The following RPIA variants were observed in gnomAD, a reference collection of about 807,000 sequenced individuals.
RPIA encodes ribose 5-phosphate isomerase A.
A neutral mutation model predicts 37.8 loss-of-function variants in RPIA; 29 were observed. The ratio of observed to expected loss-of-function variants is 0.77; its 90% CI spans 0.57 to 1.05. The LOEUF (loss-of-function observed/expected upper bound fraction) is 1.05, where lower values mean the gene tolerates loss of function less well. RPIA is among the 50% of genes least tolerant of loss of function. The pLI is 0.00. For synonymous variants in RPIA, 167 were observed against 157.0 expected (o/e 1.06, Z -0.48); for missense variants, 385 against 413.6 (o/e 0.93, Z 0.60).
intron 3 of RPIA, among the ~76,000 whole-genome samples, chr2:88,705,238 A>G (rs748035157): frequency 2.6e-5 from 4 of 152,206 alleles, no homozygotes; most frequent in Non-Finnish European, 5.9e-5. Flanking sequence ...TATGGAACCA[A>G]AAAAGAGCCT....
rs150164740 is a variant in RPIA at position 88,746,213 on chromosome 2, A to G, written c.839-3768A>G. ...AAGTTGGTTTTCACCTTTCTCTGGT[A>G]CCTCCTTGAGTAGCTTAATAATCAA... On this transcript the variant is annotated intron_variant, in intron 8 of 8. Coordinates refer to ENST00000283646, the MANE Select transcript of RPIA (RefSeq NM_144563.3). Among the ~76,000 whole-genome samples, 405 of 151,562 alleles carry G rather than the reference A, an allele frequency of 2.7e-3. 2 individuals are homozygous for G. Among genetic ancestry groups the G allele is most frequent in the African/African-American group, 9.3e-3 (383 of 41,310 alleles).
rs1483372090 is a variant in RPIA, at chr2:88,750,683, AC to A, written c.*606del. 1 of 399,298 alleles carries A rather than the reference AC, an allele frequency of 2.5e-6. No individual in the cohort carries two copies. Among genetic ancestry groups the A allele is most frequent in the Non-Finnish European group, 4.4e-6 (1 of 226,506 alleles). The allele number at this position is 399,298 out of a possible 1,614,324, so 24.7% of individuals were successfully genotyped here. On this transcript the variant is annotated 3_prime_UTR_variant, in exon 9 of 9. Coordinates refer to ENST00000283646, the MANE Select transcript of RPIA (RefSeq NM_144563.3). ...AAGCTGTCAGGGAGAAAATGTTGTT[AC>A]ACTTTTGCTAAGATCTGGGGGTTTC...
intron 8 of RPIA, among the ~76,000 whole-genome samples, chr2:88,739,966 C>T (rs1673362885): frequency 6.6e-6 from 1 of 152,106 alleles, no homozygotes; most frequent in African/African-American, 2.4e-5. Flanking sequence ...TCTTTTACCA[C>T]GTTAAGTCAA....
At chr2:88,747,156 C>G (rs556333138) in intron 8 of RPIA, among the ~76,000 whole-genome samples, 2 of 152,210 alleles carry the variant, frequency 1.3e-5, no homozygotes, top group Admixed American at 1.3e-4. Flanking sequence ...GAGTGGTTCT[C>G]AGGTCAATGG....
intron 3 of RPIA, among the ~76,000 whole-genome samples, chr2:88,724,349 C>T (rs1356105064): frequency 6.6e-6 from 1 of 152,072 alleles, no homozygotes; most frequent in Non-Finnish European, 1.5e-5. Context: ...CTCTGTCACC[C>T]AGGCTGGAGT....
At chr2:88,722,644 A>C (rs1673148167) in intron 3 of RPIA, among the ~76,000 whole-genome samples, 1 of 152,220 alleles carries the variant, frequency 6.6e-6, no homozygotes, top group East Asian at 1.9e-4. Context: ...CTCATTTGCC[A>C]TTATACATGC....
intron 3 of RPIA, among the ~76,000 whole-genome samples, chr2:88,722,926 G>C (rs1185391785): frequency 6.6e-6 from 1 of 152,244 alleles, no homozygotes; most frequent in South Asian, 2.1e-4. Context: ...GGGTGGAAGA[G>C]AAGTAAATGA....
intron 3 of RPIA, among the ~76,000 whole-genome samples, chr2:88,714,382 G>T (rs1673007235): frequency 6.6e-6 from 1 of 152,110 alleles, no homozygotes; most frequent in Admixed American, 6.5e-5. Context: ...ATGTTGGCCA[G>T]GCTGGTCTCG....
At chr2:88,699,535 T>C (rs1319518622) in intron 2 of RPIA, among the ~76,000 whole-genome samples, 4 of 152,162 alleles carry the variant, frequency 2.6e-5, no homozygotes, top group African/African-American at 9.7e-5. Flanking sequence ...GTTCTGGCTT[T>C]TTCCTAGAAG....
rs1558703393 is a variant in RPIA, at chr2:88,750,590, T to G, written c.*512T>G. The G allele has an allele frequency of 9.8e-6, 4 of 407,748 alleles. No homozygotes were observed. Among genetic ancestry groups the G allele is most frequent in the Non-Finnish European group, 1.3e-5 (3 of 230,902 alleles). The allele number at this position is 407,748 out of a possible 1,614,324, so 25.3% of individuals were successfully genotyped here. A position where few individuals can be genotyped will look rare whatever the true frequency, so the allele number is the denominator to read the frequency against. On this transcript the variant is annotated 3_prime_UTR_variant, in exon 9 of 9. Coordinates refer to ENST00000283646, the MANE Select transcript of RPIA (RefSeq NM_144563.3). ...TATTGTGAGCACACATAGTACCTAG[T>G]TACATCTTAAGATCAGGTTTATAAA...
intron 1 of RPIA, among the ~76,000 whole-genome samples, chr2:88,695,433 T>G (rs915958850): frequency 6.6e-6 from 1 of 152,220 alleles, no homozygotes; most frequent in Non-Finnish European, 1.5e-5. Context: ...ATTGCTTGCT[T>G]GGGATACGGG....
intron 1 of RPIA, among the ~76,000 whole-genome samples, chr2:88,696,053 C>T (rs1672741480): frequency 6.6e-6 from 1 of 151,922 alleles, no homozygotes; most frequent in Admixed American, 6.6e-5. Flanking sequence ...TTTAAGTATT[C>T]CTATGGCCTT....
chr2:88,711,326 A>T (rs552992882), intron 3 of RPIA, among the ~76,000 whole-genome samples: 1 of 152,360 alleles, frequency 6.6e-6, no homozygotes, highest in Non-Finnish European at 1.5e-5. Context: ...CTGTCAGTAC[A>T]TGTAACATGT....
At position 88,744,200 on chromosome 2, in the gene RPIA, G is replaced by T. The variant is rs1388742362; in HGVS notation, c.839-5781G>T. 2.0e-5 allele frequency among the ~76,000 whole-genome samples: 3 copies of T among 146,836 alleles called. No individual in the cohort carries two copies. The South Asian group carries it at 6.3e-4, about 31-fold the overall frequency. ...TGTATCCCAGAGGTTTTGATAGGTT[G>T]TATCACTATTATTATTCAGTTCAAA... On this transcript the variant is annotated intron_variant, in intron 8 of 8. Transcript: ENST00000283646.
chr2:88,716,839 T>A (rs1395566065), intron 3 of RPIA, among the ~76,000 whole-genome samples: 1 of 152,224 alleles, frequency 6.6e-6, no homozygotes, highest in African/African-American at 2.4e-5. Context: ...ACAAAAGGCA[T>A]ACAAATGTGT....
At chr2:88,727,028 C>T (rs1376654210) in intron 3 of RPIA, among the ~76,000 whole-genome samples, 3 of 152,212 alleles carry the variant, frequency 2.0e-5, no homozygotes, top group Non-Finnish European at 4.4e-5. Flanking sequence ...CATGAGCCAC[C>T]GCGCATGGCT....
In RPIA at chr2:88,708,645, G is replaced by A. The variant is rs1371406749; in HGVS notation, c.402+8581G>A. ...TCATAGGTTGACTTGTAATTGTCTC[G>A]TAAGTGGGTAATTGATGTTATCCAA... On this transcript the variant is annotated intron_variant, in intron 3 of 8. Coordinates refer to ENST00000283646, the MANE Select transcript of RPIA (RefSeq NM_144563.3). Among the ~76,000 whole-genome samples, 8 of 152,198 alleles carry A rather than the reference G, an allele frequency of 5.3e-5. No individual in the cohort carries two copies. In the East Asian group the frequency reaches 5.8e-4, roughly 11 times the overall value.
At position 88,699,575 on chromosome 2, in the gene RPIA, G is replaced by T. The variant is rs111234023; in HGVS notation, c.347-434G>T. ...AATATAGGGGAGTTAAGACTGTGTGGCTACATGGCCTGGGATCATGTCCCA... is the reference window on the plus strand; with the variant it reads ...AATATAGGGGAGTTAAGACTGTGTGTCTACATGGCCTGGGATCATGTCCCA... On this transcript the variant is annotated intron_variant, in intron 2 of 8. Coordinates refer to ENST00000283646, the MANE Select transcript of RPIA (RefSeq NM_144563.3). 3.7e-3 allele frequency among the ~76,000 whole-genome samples: 560 copies of T among 152,220 alleles called. 1 individual carries two copies. The highest frequency in any genetic ancestry group is 0.012 in the African/African-American group (494 of 41,524).
At chr2:88,724,833 C>G (rs1010830548) in intron 3 of RPIA, among the ~76,000 whole-genome samples, 2 of 152,222 alleles carry the variant, frequency 1.3e-5, no homozygotes, top group African/African-American at 4.8e-5. Context: ...ATTGCTCACT[C>G]TGCCTTCGGT....
Sources: gnomAD v4.1 joint callset for allele counts (sites outside exome capture counted in the v4.1 genomes callset) on GRCh38, gnomAD v4.1.1 for gene constraint, MANE v1.5 for transcripts, NCBI Gene and HGNC (gene_info 2026-07-23, HGNC 2026-07-21) for gene names.